The following NRP2 variants were observed in gnomAD, a reference collection of about 807,000 sequenced individuals.
NRP2 encodes the protein neuropilin-2.
A neutral mutation model predicts 110.4 loss-of-function variants in NRP2; 52 were observed. The ratio of observed to expected loss-of-function variants is 0.47; its 90% CI spans 0.38 to 0.59. The LOEUF (loss-of-function observed/expected upper bound fraction) is 0.59, where lower values mean the gene tolerates loss of function less well. Ranked by LOEUF, NRP2 falls within the 20% of genes least tolerant of loss-of-function variation. The pLI is 0.00. For missense variants in NRP2, 1,049 were observed against 1,203.0 expected, an observed-to-expected ratio of 0.87 and a Z score of 1.89; for synonymous variants, 508 against 468.9, an observed-to-expected ratio of 1.08 and a Z score of -1.08.
intron 12 of NRP2, among the ~76,000 whole-genome samples, chr2:205,757,104 T>G (rs143328413): frequency 1.2e-3 from 177 of 152,228 alleles, no homozygotes; most frequent in African/African-American, 4.0e-3. Context: ...GAAATCTGAT[T>G]ACAGTATTAC....
At chr2:205,706,490 G>GT (rs1371575882) in intron 2 of NRP2, among the ~76,000 whole-genome samples, 1 of 151,996 alleles carries the variant, frequency 6.6e-6, no homozygotes, top group Non-Finnish European at 1.5e-5. Context: ...AAAGTAGGAG[G>GT]TTTCGTCCCC....
At chr2:205,720,450 G>T (rs2105804404) in intron 3 of NRP2, among the ~76,000 whole-genome samples, 1 of 152,210 alleles carries the variant, frequency 6.6e-6, no homozygotes, top group South Asian at 2.1e-4. Context: ...ACCAAAGAAA[G>T]ATTCCGCCAG....
At chr2:205,752,336 T>G in intron 11 of NRP2, 1 of 204,018 alleles carries the variant, frequency 4.9e-6, no homozygotes, top group Non-Finnish European at 1.0e-5. Flanking sequence ...CTTCCTTGTT[T>G]CTGAGGTCAC....
chr2:205,757,157 C>T (rs924054786), intron 12 of NRP2, among the ~76,000 whole-genome samples: 16 of 152,086 alleles, frequency 1.1e-4, no homozygotes, highest in African/African-American at 2.9e-4. Flanking sequence ...AGAAAACAAG[C>T]GAAGCTGATA....
intron 14 of NRP2, among the ~76,000 whole-genome samples, chr2:205,766,026 G>A (rs1191784600): frequency 6.6e-6 from 1 of 152,208 alleles, no homozygotes; most frequent in Non-Finnish European, 1.5e-5. Flanking sequence ...TGAATGAATT[G>A]CAGAGCAAAC....
In NRP2 at chr2:205,697,055, C is replaced by T. The variant is rs935182486; in HGVS notation, c.74-489C>T. Among the ~76,000 whole-genome samples, 8 of 152,212 alleles carry T rather than the reference C, an allele frequency of 5.3e-5. No individual in the cohort carries two copies. In the South Asian group the frequency reaches 6.2e-4, roughly 12 times the overall value. ...ATTGTTACCAGGCTCGCTTGTGGGT[C>T]GGCACCACAAAACCACCATTGTCAG... On this transcript the variant is annotated intron_variant, in intron 1 of 16. Transcript: ENST00000357785.
chr2:205,686,539 C>A lies in NRP2; in HGVS notation c.73+3176C>A, dbSNP rs1036602838. On this transcript the variant is annotated intron_variant, in intron 1 of 16. Transcript: ENST00000357785. This position sits in a 1 kb window ranked among gnomAD's most constrained non-coding sequence, Gnocchi z 4.7. ...GCCCTTCGACTCGGGCTGGCTGTGC[C>A]GGGGGTCTTTCCCACCGGGTCGCAG... 6.6e-6 allele frequency among the ~76,000 whole-genome samples: 1 copy of A among 152,206 alleles called. No individual in the cohort carries two copies. Among genetic ancestry groups the A allele is most frequent in the African/African-American group, 2.4e-5 (1 of 41,448 alleles).
chr2:205,719,197 G>C (rs1298686783), intron 3 of NRP2, among the ~76,000 whole-genome samples: 2 of 152,172 alleles, frequency 1.3e-5, no homozygotes. Flanking sequence ...AGAGGAAGAA[G>C]CGGGGGAAAC....
chr2:205,690,056 G>A lies in NRP2; in HGVS notation c.73+6693G>A, dbSNP rs371435104. On this transcript the variant is annotated intron_variant, in intron 1 of 16. Transcript: ENST00000357785. ...GCCGGCCAGCTGAGTGCACGTGGCC[G>A]TGGTACCCTGCTCCCGCCTCCACAA... 1.2e-3 allele frequency among the ~76,000 whole-genome samples: 186 copies of A among 152,322 alleles called. 2 individuals carry two copies. Among genetic ancestry groups the A allele is most frequent in the Non-Finnish European group, 1.7e-3 (117 of 68,028 alleles).
intron 12 of NRP2, among the ~76,000 whole-genome samples, chr2:205,761,675 G>C (rs1205426015): frequency 6.6e-6 from 1 of 152,206 alleles, no homozygotes; most frequent in East Asian, 1.9e-4. Flanking sequence ...CTCAAACAGA[G>C]TGTGATTGAT....
At chr2:205,692,877 A>T (rs2056342660) in intron 1 of NRP2, among the ~76,000 whole-genome samples, 1 of 152,160 alleles carries the variant, frequency 6.6e-6, no homozygotes, top group African/African-American at 2.4e-5. Context: ...ACTGGAACTG[A>T]CCTTTAGAAT....
chr2:205,688,850 AC>A (rs987748877), intron 1 of NRP2, among the ~76,000 whole-genome samples: 53 of 80,774 alleles, frequency 6.6e-4, no homozygotes, highest in African/African-American at 1.6e-3. Context: ...AAACAAAAAA[AC>A]AAAACAAAAC....
rs901902418 is a variant in NRP2, at chr2:205,765,546, G to C, written c.2380G>C (p.Asp794His). The C allele has an allele frequency of 6.2e-7, 1 of 1,613,908 alleles. No individual in the cohort carries two copies. Among genetic ancestry groups the C allele is most frequent in the African/African-American group, 1.3e-5 (1 of 75,022 alleles). Residue 794 changes from aspartate to histidine, a missense_variant, in exon 14 of 17, where the codon GAT becomes CAT. Asp to His is a moderately conservative substitution (Grantham distance 81, BLOSUM62 -1). Transcript: ENST00000357785. The stretch of plus-strand genomic sequence containing the variant: ...CATTGATGACATTCGGATAAGCACT[G>C]ATGTCCCACTGGAGAACTGCATGGG... ...IAIDDIRIST[D>H]VPLENCMEPI...
intron 2 of NRP2, among the ~76,000 whole-genome samples, chr2:205,704,010 T>C (rs577090038): frequency 1.3e-5 from 2 of 152,250 alleles, no homozygotes; most frequent in Admixed American, 6.5e-5. Context: ...ACTAAGATGA[T>C]GGGGACTCTC....
In NRP2 at chr2:205,745,795, A is replaced by G. The variant is rs368539545; in HGVS notation, c.1691A>G (p.Asp564Gly). 1.2e-6 allele frequency: 2 copies of G among 1,614,014 alleles called. No homozygotes were observed. The highest frequency in any genetic ancestry group is 2.7e-5 in the African/African-American group (2 of 74,920). The change falls in exon 10 of 17, where the codon GAC becomes GGC. Residue 564 changes from aspartate to glycine, a missense_variant. Asp to Gly is a moderately conservative substitution (Grantham distance 94, BLOSUM62 -1). Transcript: ENST00000357785. ...HYDTPDIRRF[D>G]PIPAQYVRVY... ...GACACCCCTGACATCCGAAGGTTTG[A>G]CCCCATTCCGGCACAGTATGTGCGG...
At chr2:205,700,903 C>T (rs1170603061) in intron 2 of NRP2, 1 of 349,458 alleles carries the variant, frequency 2.9e-6, no homozygotes, top group Non-Finnish European at 5.7e-6. Flanking sequence ...CACTGTGGTA[C>T]TGCTGGACTC....
At chr2:205,724,654 CTTTTTTTTTTTTT>C (rs35094496) in intron 5 of NRP2, among the ~76,000 whole-genome samples, 2 of 80,348 alleles carry the variant, frequency 2.5e-5, no homozygotes, top group African/African-American at 5.2e-5. Context: ...CAAACGATAA[CTTTTTTTTTTTTT>C]TTTTTTTTTT....
intron 15 of NRP2, among the ~76,000 whole-genome samples, chr2:205,783,250 T>TGGCTC (rs1308961423): frequency 6.6e-6 from 1 of 152,170 alleles, no homozygotes; most frequent in African/African-American, 2.4e-5. Context: ...AATATGGACC[T>TGGCTC]GGCTCTAAGT....
At position 205,795,102 on chromosome 2, in the gene NRP2, G is replaced by A; in HGVS notation, c.*44G>A. The A allele has an allele frequency of 1.9e-6, 3 of 1,562,794 alleles. No individual in the cohort carries two copies. The highest frequency in any genetic ancestry group is 1.4e-5 in the African/African-American group (1 of 73,948). On this transcript the variant is annotated 3_prime_UTR_variant, in exon 17 of 17. Coordinates refer to ENST00000357785, the MANE Select transcript of NRP2 (RefSeq NM_003872.3). ...TATCTGACGTTTCATTCCAGCAAGA[G>A]GGGCTGGGGAAGATTACATTTTTTT...
Sources: gnomAD v4.1 joint callset for allele counts (sites outside exome capture counted in the v4.1 genomes callset) on GRCh38, gnomAD v4.1.1 for gene constraint, Gnocchi (gnomAD v3.1) non-coding constraint, MANE v1.5 for transcripts, NCBI Gene and HGNC (gene_info 2026-07-23, HGNC 2026-07-21) for gene names.